The following PARD3B variants were observed in gnomAD, a reference collection of about 807,000 sequenced individuals.
PARD3B encodes the protein partitioning defective 3 homolog B.
PARD3B carries 103 observed loss-of-function variants against 130.2 expected under a neutral mutation model. The observed-to-expected ratio is 0.79, with a 90% CI of 0.67 to 0.93. The LOEUF is 0.93. Among genes scored for constraint, PARD3B ranks in the 40% least tolerant of loss-of-function variants. The probability of loss-of-function intolerance (pLI) is 0.00; values close to 1 mark genes in which losing one functional copy is unlikely to be tolerated. For missense variants in PARD3B, 1,609 were observed against 1,499.2 expected, an observed-to-expected ratio of 1.07 and a Z score of -1.21; for synonymous variants, 583 against 553.2, an observed-to-expected ratio of 1.05 and a Z score of -0.76.
chr2:204,779,413 T>C (rs2041759141), intron 2 of PARD3B, among the ~76,000 whole-genome samples: 1 of 152,178 alleles, frequency 6.6e-6, no homozygotes, highest in African/African-American at 2.4e-5. Context: ...TCATTAAGAA[T>C]ATTTAGTGAG....
At chr2:204,764,643 T>G (rs1238072214) in intron 2 of PARD3B, among the ~76,000 whole-genome samples, 1 of 151,970 alleles carries the variant, frequency 6.6e-6, no homozygotes, top group African/African-American at 2.4e-5. Context: ...TGGATGTTAG[T>G]ACTGAATTTT....
rs1053583212 is a variant in PARD3B, at chr2:204,890,129, T to G, written c.223-75023T>G. On this transcript the variant is annotated intron_variant, in intron 2 of 22. Transcript: ENST00000406610. This position sits in a 1 kb window ranked among gnomAD's most constrained non-coding sequence, Gnocchi z 4.9. ...TGTCTGCTTTGCCTTCTCCGCCTTC[T>G]CCGCATGCCAGCAGGAGCACTCACC... Among the ~76,000 whole-genome samples, 2 of 152,224 alleles carry G rather than the reference T, an allele frequency of 1.3e-5. No homozygotes were observed. The highest frequency in any genetic ancestry group is 2.4e-5 in the African/African-American group (1 of 41,454).
intron 4 of PARD3B, among the ~76,000 whole-genome samples, chr2:205,061,855 A>G (rs757319061): frequency 6.6e-6 from 1 of 152,080 alleles, no homozygotes; most frequent in Non-Finnish European, 1.5e-5. Context: ...AACTACATCA[A>G]TGAACCCAGC....
chr2:204,742,585 T>A (rs1574866440), intron 2 of PARD3B, among the ~76,000 whole-genome samples: 1 of 152,182 alleles, frequency 6.6e-6, no homozygotes, highest in East Asian at 1.9e-4. Flanking sequence ...CAGGGTTGTT[T>A]TATTCCAGGG....
At chr2:204,764,743 T>TGTGTG (rs1559126865) in intron 2 of PARD3B, among the ~76,000 whole-genome samples, 1 of 151,110 alleles carries the variant, frequency 6.6e-6, no homozygotes, top group Non-Finnish European at 1.5e-5. Context: ...TGTGTGTGTG[T>TGTGTG]AGTTAATTTT....
Position 205,015,890 on chromosome 2 carries a change from G to C in PARD3B, c.395-31691G>C, listed in dbSNP as rs1291877121. On this transcript the variant is annotated intron_variant, in intron 3 of 22. Coordinates refer to ENST00000406610, the MANE Select transcript of PARD3B (RefSeq NM_001302769.2). The surrounding 1 kb of genome is among the most constrained non-coding windows in gnomAD (Gnocchi z 4.5). ...TTATTATGTAAGCTTGCTTGCTGAT[G>C]TCTGAAACCTGCAGCCTTGCCTGCC... Among the ~76,000 whole-genome samples the C allele has an allele frequency of 6.6e-6, 1 of 152,150 alleles. No individual in the cohort carries two copies. The highest frequency in any genetic ancestry group is 2.4e-5 in the African/African-American group (1 of 41,434).
chr2:204,755,764 G>A (rs1473773730), intron 2 of PARD3B, among the ~76,000 whole-genome samples: 1 of 152,050 alleles, frequency 6.6e-6, no homozygotes, highest in Non-Finnish European at 1.5e-5. Flanking sequence ...GTTAACAAAA[G>A]AAATAAGCTC....
chr2:204,772,613 A>AT (rs778681618), intron 2 of PARD3B, among the ~76,000 whole-genome samples: 7 of 152,188 alleles, frequency 4.6e-5, no homozygotes, highest in African/African-American at 1.2e-4. Context: ...TGACAAGCAC[A>AT]TTTTCAAGGA....
At chr2:205,225,005 T>G (rs1041523131) in intron 15 of PARD3B, among the ~76,000 whole-genome samples, 2 of 152,198 alleles carry the variant, frequency 1.3e-5, no homozygotes, top group East Asian at 3.9e-4. Context: ...TTCATTCCTC[T>G]GTTGATGGAC....
rs771231334 is a variant in PARD3B, at chr2:205,616,099, G to A, written c.*286G>A. On this transcript the variant is annotated 3_prime_UTR_variant, in exon 23 of 23. Coordinates refer to ENST00000406610, the MANE Select transcript of PARD3B (RefSeq NM_001302769.2). ...TGTTCAAATCAGTGAGAGTGGCAAC[G>A]GAACACACAAACAACTAATTATGGA... 5.1e-6 allele frequency: 2 copies of A among 394,654 alleles called. No individual in the cohort carries two copies. The highest frequency in any genetic ancestry group is 2.0e-5 in the African/African-American group (1 of 48,858). The allele number at this position is 394,654 out of a possible 1,614,324, so 24.4% of individuals were successfully genotyped here.
At chr2:204,633,246 A>C (rs1424729064) in intron 1 of PARD3B, among the ~76,000 whole-genome samples, 1 of 152,110 alleles carries the variant, frequency 6.6e-6, no homozygotes, top group Non-Finnish European at 1.5e-5. Context: ...GAAGAGGAAA[A>C]CATATCTATG....
chr2:205,546,934 G>A (rs1182281656), intron 21 of PARD3B, among the ~76,000 whole-genome samples: 1 of 152,080 alleles, frequency 6.6e-6, no homozygotes, highest in Middle Eastern at 3.2e-3. Flanking sequence ...AGCTCTATAT[G>A]CCATTAAAAT....
At chr2:204,775,040 T>G (rs577006915) in intron 2 of PARD3B, among the ~76,000 whole-genome samples, 6 of 152,278 alleles carry the variant, frequency 3.9e-5, no homozygotes, top group East Asian at 1.9e-4. Flanking sequence ...GGTAATTTCC[T>G]TTCTAACACA....
At chr2:204,842,982 C>T (rs949994289) in intron 2 of PARD3B, among the ~76,000 whole-genome samples, 2 of 152,132 alleles carry the variant, frequency 1.3e-5, no homozygotes, top group African/African-American at 2.4e-5. Flanking sequence ...AGTTCTCAAA[C>T]TCCAGGGTTA....
At chr2:204,999,642 A>G (rs764965111) in intron 3 of PARD3B, among the ~76,000 whole-genome samples, 4 of 152,212 alleles carry the variant, frequency 2.6e-5, no homozygotes, top group Non-Finnish European at 5.9e-5. Context: ...CTTTTCTCCT[A>G]TACATTAAAG....
rs561818072 is a variant in PARD3B, at chr2:205,268,334, A to G, written c.2185+22512A>G. The stretch of plus-strand genomic sequence containing the variant: ...ATTGGTTTTTGAGAACGGTTCCAAT[A>G]TATTGGGAGAAAAATAAGCATCAAC... On this transcript the variant is annotated intron_variant, in intron 16 of 22. Transcript: ENST00000406610. This position sits in a 1 kb window ranked among gnomAD's most constrained non-coding sequence, Gnocchi z 4.1. Among the ~76,000 whole-genome samples the G allele has an allele frequency of 6.6e-6, 1 of 152,350 alleles. No individual in the cohort carries two copies. Among genetic ancestry groups the G allele is most frequent in the South Asian group, 2.1e-4 (1 of 4,832 alleles).
At chr2:204,886,230 G>A (rs1292997264) in intron 2 of PARD3B, among the ~76,000 whole-genome samples, 1 of 152,176 alleles carries the variant, frequency 6.6e-6, no homozygotes, top group Non-Finnish European at 1.5e-5. Context: ...GATATGAGGA[G>A]GCAAACCTTA....
intron 1 of PARD3B, among the ~76,000 whole-genome samples, chr2:204,616,451 C>G (rs1462270862): frequency 6.6e-6 from 1 of 152,046 alleles, no homozygotes; most frequent in African/African-American, 2.4e-5. Flanking sequence ...TGGCCAAGAC[C>G]CAGGACACTG....
At chr2:205,220,447 C>T (rs1479753751) in intron 15 of PARD3B, among the ~76,000 whole-genome samples, 1 of 152,178 alleles carries the variant, frequency 6.6e-6, no homozygotes, top group East Asian at 1.9e-4. Flanking sequence ...AAGCCCAATC[C>T]ATGGGCTACT....
Sources: allele counts gnomAD v4.1 joint callset (sites outside exome capture counted in the v4.1 genomes callset), GRCh38; gene constraint gnomAD v4.1.1; non-coding constraint Gnocchi (gnomAD v3.1); transcripts MANE v1.5; gene names NCBI Gene and HGNC (gene_info 2026-07-23, HGNC 2026-07-21).